TWIST2: variants seen among roughly 807,000 people sequenced by gnomAD.
TWIST2 encodes the protein twist-related protein 2.
A neutral mutation model predicts 11.6 loss-of-function variants in TWIST2; 1 was observed. The ratio of observed to expected loss-of-function variants is 0.09; its 90% CI spans 0.03 to 0.41. The LOEUF (loss-of-function observed/expected upper bound fraction) is 0.41. TWIST2 is among the 10% of genes least tolerant of loss of function. TWIST2 has a pLI of 0.98. For synonymous variants in TWIST2, 87 were observed against 96.6 expected, an observed-to-expected ratio of 0.90 and a Z score of 0.58; for missense variants, 168 against 226.4, an observed-to-expected ratio of 0.74 and a Z score of 1.66.
At chr2:238,848,793 G>T (rs1474634442) in intron 1 of TWIST2, 60 bp downstream of exon 1, 1 of 1,254,254 alleles carries the variant, frequency 8.0e-7, no homozygotes, top group Non-Finnish European at 1.0e-6. Context: ...CAGGGGCGCA[G>T]GGGCATTGGG....
intron 1 of TWIST2, among the ~76,000 whole-genome samples, chr2:238,875,873 A>C (rs1006793338): frequency 1.3e-5 from 2 of 152,228 alleles, no homozygotes; most frequent in African/African-American, 4.8e-5. Context: ...GTGAAAGTTT[A>C]CTTCAGAAGA....
At chr2:238,870,045 C>G (rs758674103) in intron 1 of TWIST2, among the ~76,000 whole-genome samples, 1 of 144,604 alleles carries the variant, frequency 6.9e-6, no homozygotes, top group African/African-American at 2.6e-5. Context: ...GAAGACAGTA[C>G]GGAGGGTCCT....
In TWIST2 at chr2:238,870,392, C is replaced by CCCACACACCACACACACA. The variant is rs1559274008; in HGVS notation, c.*35+21667_*35+21668insCACACACACACCACACAC. Among the ~76,000 whole-genome samples, 57 of 14,966 alleles carry CCCACACACCACACACACA rather than the reference C, an allele frequency of 3.8e-3. 11 individuals are homozygous for CCCACACACCACACACACA. Among genetic ancestry groups the CCCACACACCACACACACA allele is most frequent in the Non-Finnish European group, 7.2e-3 (38 of 5,284 alleles). The allele number at this position is 14,966 out of a possible 152,430, so 9.8% of individuals were successfully genotyped here. A position where few individuals can be genotyped will look rare whatever the true frequency, so the allele number is the denominator to read the frequency against. On this transcript the variant is annotated intron_variant, in intron 1 of 1. Transcript: ENST00000612363. ...CACACACCCCACACACCCCACACAC[C>CCCACACACCACACACACA]CCACACACACATCACATACCACACA...
At chr2:238,879,790 T>C (rs527925004) in intron 1 of TWIST2, among the ~76,000 whole-genome samples, 1 of 152,192 alleles carries the variant, frequency 6.6e-6, no homozygotes, top group Non-Finnish European at 1.5e-5. Context: ...AAGGGCATGA[T>C]TGGCTGTCCT....
intron 1 of TWIST2, among the ~76,000 whole-genome samples, chr2:238,868,256 T>C (rs1204803269): frequency 6.6e-6 from 1 of 152,148 alleles, no homozygotes; most frequent in East Asian, 1.9e-4. Context: ...CCCTGGGCCC[T>C]CTCTGGGGTG....
At chr2:238,873,148 G>A (rs1366106024) in intron 1 of TWIST2, among the ~76,000 whole-genome samples, 1 of 152,194 alleles carries the variant, frequency 6.6e-6, no homozygotes, top group African/African-American at 2.4e-5. Flanking sequence ...CAGTAGGGAG[G>A]CCAGACCAAG....
intron 1 of TWIST2, among the ~76,000 whole-genome samples, chr2:238,849,785 G>C (rs1254228962): frequency 1.3e-5 from 2 of 152,210 alleles, no homozygotes; most frequent in Middle Eastern, 3.2e-3. Context: ...AGACAAGCTC[G>C]AGCCACGGAG....
chr2:238,891,817 T>A (rs1316542130), intron 1 of TWIST2, among the ~76,000 whole-genome samples: 1 of 152,234 alleles, frequency 6.6e-6, no homozygotes, highest in East Asian at 1.9e-4. Flanking sequence ...TGCCTTCCTC[T>A]GTTTGCTCCT....
At chr2:238,904,572 GT>G (rs2106374975) in intron 1 of TWIST2, among the ~76,000 whole-genome samples, 1 of 152,074 alleles carries the variant, frequency 6.6e-6, no homozygotes, top group East Asian at 1.9e-4. Context: ...CTGTCCAACG[GT>G]GTCCATGGTA....
Position 238,867,370 on chromosome 2 carries a change from A to AAC in TWIST2, c.*35+18678_*35+18679dup, listed in dbSNP as rs1229428285. 0.16 allele frequency among the ~76,000 whole-genome samples: 19,555 copies of AAC among 119,500 alleles called. 1,758 individuals carry two copies. Among genetic ancestry groups the AAC allele is most frequent in the African/African-American group, 0.25 (7,535 of 30,360 alleles). The allele number at this position is 119,500 out of a possible 152,430, so 78.4% of individuals were successfully genotyped here. On this transcript the variant is annotated intron_variant, in intron 1 of 1. Transcript: ENST00000612363. The surrounding 1 kb of genome is among the most constrained non-coding windows in gnomAD (Gnocchi z 4.8). ...CTGGGGAGTAAAATGTCCTGCCTTCAACACACACACACACACACACACACA... is the reference window on the plus strand; with the variant it reads ...CTGGGGAGTAAAATGTCCTGCCTTCAACACACACACACACACACACACACACA...
chr2:238,886,127 G>T (rs972744701), intron 1 of TWIST2, among the ~76,000 whole-genome samples: 6 of 150,834 alleles, frequency 4.0e-5, no homozygotes, highest in African/African-American at 1.5e-4. Flanking sequence ...CATTACTGAT[G>T]ATTTTCTCAC....
At chr2:238,856,375 G>A (rs1325630164) in intron 1 of TWIST2, among the ~76,000 whole-genome samples, 4 of 152,122 alleles carry the variant, frequency 2.6e-5, no homozygotes, top group African/African-American at 7.2e-5. Flanking sequence ...CTCTCTGCTC[G>A]TTTCAGTGTT....
At chr2:238,899,709 C>A (rs1693245802) in intron 1 of TWIST2, among the ~76,000 whole-genome samples, 1 of 152,232 alleles carries the variant, frequency 6.6e-6, no homozygotes. Flanking sequence ...CCTTCTTGGT[C>A]ATCTGGAATT....
chr2:238,890,467 C>T (rs1273802871), intron 1 of TWIST2, among the ~76,000 whole-genome samples: 2 of 152,210 alleles, frequency 1.3e-5, no homozygotes, highest in African/African-American at 2.4e-5. Context: ...TAAAGCCACA[C>T]GATCCAGGTG....
intron 1 of TWIST2, 129 bp downstream of exon 1, chr2:238,848,862 C>A: frequency 8.5e-6 from 6 of 704,018 alleles, no homozygotes; most frequent in Non-Finnish European, 1.2e-5. Context: ...ATGCCGTGCG[C>A]TTTTCCTCTT....
chr2:238,883,669 G>A (rs1008774069), intron 1 of TWIST2, among the ~76,000 whole-genome samples: 2 of 152,134 alleles, frequency 1.3e-5, no homozygotes, highest in Admixed American at 6.5e-5. Context: ...GCCAGGAAGG[G>A]GCTCCGAGCA....
At chr2:238,861,878 C>G (rs1327730445) in intron 1 of TWIST2, among the ~76,000 whole-genome samples, 1 of 152,226 alleles carries the variant, frequency 6.6e-6, no homozygotes, top group Non-Finnish European at 1.5e-5. Context: ...TCCATCCCCC[C>G]AGTCTCTGGG....
intron 1 of TWIST2, among the ~76,000 whole-genome samples, chr2:238,862,522 T>C (rs1440465231): frequency 1.3e-5 from 2 of 152,178 alleles, no homozygotes; most frequent in African/African-American, 4.8e-5. Context: ...TTATTTTTTA[T>C]TAAATTGGAA....
chr2:238,895,479 G>C lies in TWIST2; in HGVS notation c.*36-14363G>C, dbSNP rs1008275723. On this transcript the variant is annotated intron_variant, in intron 1 of 1. Coordinates refer to ENST00000612363, the MANE Select transcript of TWIST2 (RefSeq NM_001271893.4). ...TGGGTTTTGTTTGGAGACTGAATTTGGTGGCATCTGGAGAAGTTGTGACTC... is the reference window on the plus strand; with the variant it reads ...TGGGTTTTGTTTGGAGACTGAATTTCGTGGCATCTGGAGAAGTTGTGACTC... Among the ~76,000 whole-genome samples, 61 of 152,336 alleles carry C rather than the reference G, an allele frequency of 4.0e-4. No homozygotes were observed. The East Asian group carries it at 9.1e-3, about 23-fold the overall frequency.
Sources: allele counts gnomAD v4.1 joint callset (sites outside exome capture counted in the v4.1 genomes callset), GRCh38; gene constraint gnomAD v4.1.1; non-coding constraint Gnocchi (gnomAD v3.1); transcripts MANE v1.5; gene names NCBI Gene and HGNC (gene_info 2026-07-23, HGNC 2026-07-21).